The following NOD1 variants were observed in gnomAD, a reference collection of about 807,000 sequenced individuals.
The protein encoded by NOD1 is nucleotide binding oligomerization domain containing 1.
NOD1 carries 70 observed loss-of-function variants against 81.2 expected under a neutral mutation model. The ratio of observed to expected loss-of-function variants is 0.86; its 90% confidence interval spans 0.71 to 1.05. NOD1 has a LOEUF of 1.05. Ranked by LOEUF, NOD1 falls within the 50% of genes least tolerant of loss-of-function variation. The pLI is 0.00. For synonymous variants in NOD1, 508 were observed against 526.9 expected (o/e 0.96, Z 0.49); for missense variants, 1,233 against 1,228.0 (o/e 1.00, Z -0.06).
chr7:30,452,333 T>C lies in NOD1; in HGVS notation c.1084A>G (p.Arg362Gly), dbSNP rs1375996546. The C allele has an allele frequency of 1.2e-6, 2 of 1,613,288 alleles. No individual in the cohort carries two copies. The highest frequency in any genetic ancestry group is 2.7e-5 in the African/African-American group (2 of 74,936). ...FSPSHLRAYA[R>G]RMFPERALQD... Reference sequence around the variant, plus strand: ...AGGGCCCGCTCGGGGAACATCCTCCTGGCATAGGCGCGCAGGTGGCTGGGG... The same window carrying C: ...AGGGCCCGCTCGGGGAACATCCTCCCGGCATAGGCGCGCAGGTGGCTGGGG... Residue 362 changes from arginine to glycine, a missense_variant, in exon 6 of 14, where the codon AGG becomes GGG. Physicochemically the swap from Arg to Gly is moderately radical, Grantham distance 125. Coordinates refer to ENST00000222823, the MANE Select transcript of NOD1 (RefSeq NM_006092.4).
At chr7:30,425,779 G>C in intron 13 of NOD1, 69 bp from the exon 14 acceptor site, 1 of 1,061,394 alleles carries the variant, frequency 9.4e-7, no homozygotes. Flanking sequence ...TCCTTCCCAA[G>C]GTGTGTTCAT....
intron 5 of NOD1, among the ~76,000 whole-genome samples, chr7:30,454,467 C>T (rs1396166605): frequency 6.6e-6 from 1 of 152,234 alleles, no homozygotes; most frequent in Admixed American, 6.5e-5. Flanking sequence ...GTCTCCCTGA[C>T]ATCCAGCACA....
intron 13 of NOD1, 52 bp downstream of exon 13, chr7:30,429,322 G>T: frequency 2.1e-6 from 3 of 1,451,570 alleles, no homozygotes; most frequent in South Asian, 2.3e-5. Context: ...AGTCAGTGGT[G>T]GTGAGTAAAC....
intron 1 of NOD1, among the ~76,000 whole-genome samples, chr7:30,473,418 A>T (rs1361607309): frequency 6.6e-6 from 1 of 151,618 alleles, no homozygotes; most frequent in African/African-American, 2.4e-5. Flanking sequence ...TCTTCCAAAC[A>T]CCCCCCACAT....
Position 30,452,717 on chromosome 7 carries a change from A to G in NOD1, c.700T>C (p.Phe234Leu), listed in dbSNP as rs1785909853. Reference sequence around the variant, plus strand: ...AAGCAGCTGAACATGCGGCAGCGAAAGTGGAAGAAGAATTTGACCCCTGCG... The same window carrying G: ...AAGCAGCTGAACATGCGGCAGCGAAGGTGGAAGAAGAATTTGACCCCTGCG... ...LDAGVKFFFH[F>L]RCRMFSCFKE... The change falls in exon 6 of 14, where the codon TTT becomes CTT. Residue 234 changes from phenylalanine to leucine, a missense_variant. Phe to Leu is a conservative substitution (Grantham distance 22, BLOSUM62 0). Coordinates refer to ENST00000222823, the MANE Select transcript of NOD1 (RefSeq NM_006092.4). 4 of 1,613,862 alleles carry G rather than the reference A, an allele frequency of 2.5e-6. No homozygotes were observed. The highest frequency in any genetic ancestry group is 2.5e-6 in the Non-Finnish European group (3 of 1,180,054).
chr7:30,426,683 A>ATCT (rs1783484718), intron 13 of NOD1, among the ~76,000 whole-genome samples: 1 of 152,000 alleles, frequency 6.6e-6, no homozygotes, highest in African/African-American at 2.4e-5. Flanking sequence ...TGACCCACAG[A>ATCT]TCTTTTATGG....
rs750503219 is a variant in NOD1 at position 30,451,759 on chromosome 7, GC to G, written c.1657del (p.Ala553GlnfsTer61). The G allele has an allele frequency of 1.9e-6, 3 of 1,613,664 alleles. No individual in the cohort carries two copies. In the African/African-American group the frequency reaches 4.0e-5, roughly 21 times the overall value. Reference sequence around the variant, plus strand: ...GGGAGGATAGCAGGACGTGGTCGCTGCCCCCGCAGGGGGCATCCACTCCTGG... The same window carrying G: ...GGGAGGATAGCAGGACGTGGTCGCTGCCCCGCAGGGGGCATCCACTCCTGG... ...FFQEWMPPAG[A>X]ATTSCYPPFL... On this transcript the variant is annotated frameshift_variant, in exon 6 of 14. Coordinates refer to ENST00000222823, the MANE Select transcript of NOD1 (RefSeq NM_006092.4). LOFTEE classifies it high-confidence loss of function. This position sits in a 1 kb window ranked among gnomAD's most constrained non-coding sequence, Gnocchi z 4.2.
In NOD1 at chr7:30,464,626, G is replaced by A. The variant is rs187975996; in HGVS notation, c.-351-4585C>T. On this transcript the variant is annotated intron_variant, in intron 1 of 13. Coordinates refer to ENST00000222823, the MANE Select transcript of NOD1 (RefSeq NM_006092.4). ...CAAATTCTGACTCATGAGCAAATTA[G>A]AGGGAAGTTCCTGCTAAATGGACCA... 5.1e-4 allele frequency among the ~76,000 whole-genome samples: 78 copies of A among 152,338 alleles called. 2 individuals carry two copies. Among genetic ancestry groups the A allele is most frequent in the Admixed American group, 1.5e-3 (23 of 15,306 alleles).
chr7:30,448,208 C>T lies in NOD1; in HGVS notation c.2285+90G>A, dbSNP rs199476267. On this transcript the variant is annotated intron_variant, in intron 7 of 13. Transcript: ENST00000222823. ...CTTCCCAGCCCTGGGCCATCCGTGC[C>T]GATCATCCAGGGACCTATGGGAATG... 1.7e-5 allele frequency: 19 copies of T among 1,101,702 alleles called. No individual in the cohort carries two copies. In the East Asian group the frequency reaches 2.6e-4, roughly 15 times the overall value. The allele number at this position is 1,101,702 out of a possible 1,614,324, so 68.2% of individuals were successfully genotyped here.
At chr7:30,445,117 C>T (rs1439313769) in intron 9 of NOD1, among the ~76,000 whole-genome samples, 6 of 61,200 alleles carry the variant, frequency 9.8e-5, no homozygotes, top group African/African-American at 1.7e-4. Flanking sequence ...GTGGTGGGGT[C>T]GGGGGAGGGG....
chr7:30,474,950 C>A (rs1423903934), intron 1 of NOD1, among the ~76,000 whole-genome samples: 1 of 152,122 alleles, frequency 6.6e-6, no homozygotes, highest in Admixed American at 6.5e-5. Context: ...ACTGAAGGGG[C>A]CTGTGTTGTA....
At chr7:30,474,825 A>G (rs6963954) in intron 1 of NOD1, among the ~76,000 whole-genome samples, 14,277 of 152,256 alleles carry the variant, frequency 0.094, 827 homozygotes, top group African/African-American at 0.14. Flanking sequence ...TCAGCCCTGC[A>G]TGTCTGGTAT....
intron 1 of NOD1, among the ~76,000 whole-genome samples, chr7:30,463,376 G>GA (rs1750744686): frequency 6.7e-6 from 1 of 148,320 alleles, no homozygotes; most frequent in African/African-American, 2.5e-5. Context: ...TTTTCAGGTA[G>GA]AAAAAAAATG....
Position 30,452,150 on chromosome 7 carries a change from C to G in NOD1, c.1267G>C (p.Asp423His), listed in dbSNP as rs777696299. Residue 423 changes from aspartate to histidine, a missense_variant, in exon 6 of 14, where the codon GAT (aspartate) becomes CAT (histidine). Transcript: ENST00000222823. ...QLPDCTMTLT[D>H]VFLLVTEVHL... ...ACCTCAGTGACCAGGAGGAAGACAT[C>G]TGTCAGGGTCATCGTGCAGTCGGGC... is the stretch of plus-strand genomic sequence containing the variant. 2 of 1,614,014 alleles carry G rather than the reference C, an allele frequency of 1.2e-6. No individual in the cohort carries two copies. Among genetic ancestry groups the G allele is most frequent in the East Asian group, 2.2e-5 (1 of 44,858 alleles).
At chr7:30,432,315 G>C (rs1454602998) in intron 12 of NOD1, among the ~76,000 whole-genome samples, 1 of 152,098 alleles carries the variant, frequency 6.6e-6, no homozygotes, top group Non-Finnish European at 1.5e-5. Flanking sequence ...CTCCAAAGAA[G>C]CTATACAGAC....
Position 30,448,331 on chromosome 7 carries a change from T to C in NOD1, c.2252A>G (p.Glu751Gly), listed in dbSNP as rs763163398. The change falls in exon 7 of 14, where the codon GAG (glutamate) becomes GGG (glycine). Residue 751 changes from glutamate (E) to glycine (G), a missense_variant. Transcript: ENST00000222823. Reference sequence around the variant, plus strand: ...GGTCACAATTTTGTATTTGGTCAGCTCTTCGCTTAGCACCTTTACCCCACC... The same window carrying C: ...GGTCACAATTTTGTATTTGGTCAGCCCTTCGCTTAGCACCTTTACCCCACC... Reference protein sequence around the residue: ...TDGGVKVLSEELTKYKIVTYL... With the variant: ...TDGGVKVLSEGLTKYKIVTYL... 3 of 1,614,238 alleles carry C rather than the reference T, an allele frequency of 1.9e-6. No individual in the cohort carries two copies. Among genetic ancestry groups the C allele is most frequent in the Middle Eastern group, 1.6e-4 (1 of 6,062 alleles).
intron 11 of NOD1, chr7:30,433,385 C>A (rs527651433): frequency 5.4e-6 from 3 of 556,040 alleles, no homozygotes; most frequent in South Asian, 4.8e-5. Flanking sequence ...AAATCCTGTA[C>A]CTGGGCTCCT....
At position 30,451,274 on chromosome 7, in the gene NOD1, G is replaced by C; in HGVS notation, c.2143C>G (p.Leu715Val). Residue 715 changes from leucine (L) to valine (V), a missense_variant, in exon 6 of 14, where the codon CTC becomes GTC. Transcript: ENST00000222823. This position sits in a 1 kb window ranked among gnomAD's most constrained non-coding sequence, Gnocchi z 4.2. ...AGCTCCCGCACGCCGTAGTCGTTGAGATTGTTGTTGTCTAGGTCTAGGGCC... is the reference window on the plus strand; with the variant it reads ...AGCTCCCGCACGCCGTAGTCGTTGACATTGTTGTTGTCTAGGTCTAGGGCC... ...RLALDLDNNN[L>V]NDYGVRELQP... is the part of the protein sequence containing the mutation. The C allele has an allele frequency of 1.2e-6, 2 of 1,614,152 alleles. No homozygotes were observed. The highest frequency in any genetic ancestry group is 1.7e-6 in the Non-Finnish European group (2 of 1,180,038).
chr7:30,439,631 A>G (rs1242793035), intron 9 of NOD1, among the ~76,000 whole-genome samples: 14 of 89,040 alleles, frequency 1.6e-4, no homozygotes, highest in African/African-American at 8.1e-4. Flanking sequence ...GCTGATTGCT[A>G]GCACAGCAGT....
Sources: allele counts gnomAD v4.1 joint callset (sites outside exome capture counted in the v4.1 genomes callset), GRCh38; gene constraint gnomAD v4.1.1; non-coding constraint Gnocchi (gnomAD v3.1); transcripts MANE v1.5; gene names NCBI Gene and HGNC (gene_info 2026-07-23, HGNC 2026-07-21).